The following INSL6 variants were observed in gnomAD, a reference collection of about 807,000 sequenced individuals.
The protein encoded by INSL6 is insulin like 6, also known as insulin-like peptide INSL6.
INSL6 carries 16 observed loss-of-function variants against 9.4 expected under a neutral mutation model. The ratio of observed to expected loss-of-function variants is 1.70; its 90% CI spans 1.15 to 2.59. INSL6 has a LOEUF of 2.59. Ranked by LOEUF, INSL6 falls within the 30% of genes most tolerant of loss-of-function variation. INSL6 has a pLI of 0.00. For missense variants in INSL6, 391 were observed against 257.3 expected, an observed-to-expected ratio of 1.52 and a Z score of -3.56; for synonymous variants, 154 against 96.9, an observed-to-expected ratio of 1.59 and a Z score of -3.46.
the INSL6 span, among the ~76,000 whole-genome samples, chr9:5,092,401 GACAA>G: frequency 2.6e-5 from 4 of 152,060 alleles, no homozygotes; most frequent in African/African-American, 4.8e-5. Context: ...AGTGCTCTTG[GACAA>G]ACAAAGTGTC....
the INSL6 span, among the ~76,000 whole-genome samples, chr9:5,087,137 G>C: frequency 1.3e-5 from 2 of 152,102 alleles, no homozygotes. Flanking sequence ...CTGTTCTCAC[G>C]CTGCAAATAA....
At chr9:5,016,736 T>A in the INSL6 span, among the ~76,000 whole-genome samples, 2 of 152,114 alleles carry the variant, frequency 1.3e-5, no homozygotes, top group Non-Finnish European at 2.9e-5. Flanking sequence ...TCCTGCCAGT[T>A]ATTCTCCATG....
At position 5,184,922 on chromosome 9, in the gene INSL6, A is replaced by T. The variant is rs775440574; in HGVS notation, c.289+392T>A. On this transcript the variant is annotated intron_variant, in intron 1 of 1. Coordinates refer to ENST00000381641, the MANE Select transcript of INSL6 (RefSeq NM_007179.3). ...ATTCTGTAGCCAATGACGACAGTCA[A>T]ATACAACTATGTGCTAGATACTGTG... Among the ~76,000 whole-genome samples the T allele has an allele frequency of 2.6e-5, 4 of 152,230 alleles. No homozygotes were observed. In the South Asian group the frequency reaches 8.3e-4, roughly 32 times the overall value.
chr9:4,995,108 T>G, the INSL6 span, among the ~76,000 whole-genome samples: 1 of 152,214 alleles, frequency 6.6e-6, no homozygotes, highest in Non-Finnish European at 1.5e-5. Flanking sequence ...ATGACTTGAT[T>G]GTTGCCAACT....
At chr9:5,030,281 T>G in the INSL6 span, among the ~76,000 whole-genome samples, 1 of 152,172 alleles carries the variant, frequency 6.6e-6, no homozygotes, top group African/African-American at 2.4e-5. Flanking sequence ...ATAAAGAACT[T>G]TTTAAAAAGT....
chr9:5,092,486 G>A, the INSL6 span, among the ~76,000 whole-genome samples: 2 of 152,012 alleles, frequency 1.3e-5, no homozygotes, highest in Non-Finnish European at 2.9e-5. Context: ...GCCAACCCTA[G>A]CCCCAAACCT....
At chr9:5,053,314 A>T in the INSL6 span, among the ~76,000 whole-genome samples, 2,519 of 151,922 alleles carry the variant, frequency 0.017, 25 homozygotes, top group Non-Finnish European at 0.027. Context: ...TCATTTTTTA[A>T]TTGGGTTATT....
chr9:5,084,773 C>T, the INSL6 span, among the ~76,000 whole-genome samples: 3 of 152,060 alleles, frequency 2.0e-5, no homozygotes, highest in Non-Finnish European at 4.4e-5. Flanking sequence ...CATCAAGACA[C>T]CTCAATTAGA....
At chr9:5,178,648 A>G (rs977631157) in intron 1 of INSL6, among the ~76,000 whole-genome samples, 26 of 152,220 alleles carry the variant, frequency 1.7e-4, no homozygotes, top group African/African-American at 5.5e-4. Context: ...TGGTACTGGT[A>G]CAAGAACAGA....
chr9:5,168,210 C>G (rs186854611), intron 1 of INSL6, among the ~76,000 whole-genome samples: 3 of 152,200 alleles, frequency 2.0e-5, no homozygotes, highest in Middle Eastern at 3.4e-3. Flanking sequence ...GGCACAGAAC[C>G]GGGCTGAGTC....
At chr9:5,085,989 GT>G in the INSL6 span, 1 of 940,842 alleles carries the variant, frequency 1.1e-6, no homozygotes, top group Non-Finnish European at 1.8e-6. Flanking sequence ...GCTGTACGGG[GT>G]TGTGTGATGA....
At chr9:5,042,793 G>A in the INSL6 span, among the ~76,000 whole-genome samples, 1 of 152,204 alleles carries the variant, frequency 6.6e-6, no homozygotes, top group Admixed American at 6.5e-5. Flanking sequence ...AAAACTAAAG[G>A]GGAACGGAGG....
At chr9:5,055,546 C>G in the INSL6 span, 1 of 702,272 alleles carries the variant, frequency 1.4e-6, no homozygotes, top group East Asian at 2.9e-5. Context: ...TAATGCTTAT[C>G]TATTGTTATC....
At chr9:5,083,642 C>T in the INSL6 span, among the ~76,000 whole-genome samples, 5 of 152,016 alleles carry the variant, frequency 3.3e-5, no homozygotes, top group African/African-American at 7.2e-5. Flanking sequence ...ACTAGGCACA[C>T]AATTTTGTCA....
chr9:4,992,031 T>C, the INSL6 span, among the ~76,000 whole-genome samples: 13 of 152,298 alleles, frequency 8.5e-5, no homozygotes, highest in South Asian at 2.1e-4. Context: ...GGTCAGTAAT[T>C]GAGACAGGGC....
chr9:5,126,554 A>G, intron 3 of INSL6: 1 of 934,550 alleles, frequency 1.1e-6, no homozygotes, highest in Non-Finnish European at 1.7e-6. Flanking sequence ...CCAGATAAAC[A>G]GCATAATCAG....
chr9:5,041,310 T>C, the INSL6 span: 1 of 799,174 alleles, frequency 1.3e-6, no homozygotes, highest in South Asian at 1.6e-5. Context: ...AAGAAGCACA[T>C]CCCGTGCAGC....
chr9:5,029,840 G>C, the INSL6 span: 1 of 1,610,734 alleles, frequency 6.2e-7, no homozygotes, highest in Non-Finnish European at 8.5e-7. Flanking sequence ...GAAAGGATCT[G>C]GTATCCACCC....
the INSL6 span, among the ~76,000 whole-genome samples, chr9:5,043,512 G>A: frequency 6.6e-6 from 1 of 152,172 alleles, no homozygotes; most frequent in Non-Finnish European, 1.5e-5. Context: ...ATGTAAAGTG[G>A]TGCTGCTACT....
Sources: allele counts gnomAD v4.1 joint callset (sites outside exome capture counted in the v4.1 genomes callset), GRCh38; gene constraint gnomAD v4.1.1; transcripts MANE v1.5; gene names NCBI Gene and HGNC (gene_info 2026-07-23, HGNC 2026-07-21).